RNGTT: variants seen among roughly 807,000 people sequenced by gnomAD.
RNGTT encodes the protein RNA guanylyltransferase and 5'-phosphatase, also known as mRNA-capping enzyme.
A neutral mutation model predicts 79.3 loss-of-function variants in RNGTT; 33 were observed. That is an observed-to-expected ratio of 0.42 (90% CI 0.32 to 0.56). The LOEUF is 0.56. RNGTT is among the 20% of genes least tolerant of loss of function. RNGTT has a pLI of 0.17. For missense variants in RNGTT, 497 were observed against 739.1 expected, an observed-to-expected ratio of 0.67 and a Z score of 3.80; for synonymous variants, 222 against 235.9, an observed-to-expected ratio of 0.94 and a Z score of 0.54.
chr6:88,726,134 G>T (rs77382892), intron 13 of RNGTT, among the ~76,000 whole-genome samples: 3,208 of 152,154 alleles, frequency 0.021, 100 homozygotes, highest in African/African-American at 0.073. Context: ...ATAATTGAAG[G>T]TCTTCTCTAT....
chr6:88,848,380 C>T (rs1323193173), intron 10 of RNGTT, among the ~76,000 whole-genome samples: 3 of 151,630 alleles, frequency 2.0e-5, no homozygotes, highest in Admixed American at 1.3e-4. Flanking sequence ...ACTGTCCTAG[C>T]GAAATTTTCA....
intron 8 of RNGTT, among the ~76,000 whole-genome samples, chr6:88,861,307 G>A (rs1782005907): frequency 6.6e-6 from 1 of 152,158 alleles, no homozygotes; most frequent in Non-Finnish European, 1.5e-5. Flanking sequence ...CATAGGAGCA[G>A]TTGGTCACAC....
chr6:88,699,246 G>A lies in RNGTT; in HGVS notation c.1440-20827C>T, dbSNP rs556358446. Among the ~76,000 whole-genome samples the A allele has an allele frequency of 1.6e-4, 25 of 152,140 alleles. No individual in the cohort carries two copies. The South Asian group carries it at 4.8e-3, about 29-fold the overall frequency. On this transcript the variant is annotated intron_variant, in intron 13 of 15. Coordinates refer to ENST00000369485, the MANE Select transcript of RNGTT (RefSeq NM_003800.5). ...CTCACACAAATTTATCAGACTTTCC[G>A]AATGACTTAAATAGTATGAAACAAT...
intron 14 of RNGTT, among the ~76,000 whole-genome samples, chr6:88,670,782 C>G (rs905761271): frequency 6.6e-6 from 1 of 152,210 alleles, no homozygotes; most frequent in Non-Finnish European, 1.5e-5. Flanking sequence ...TATCATGACC[C>G]TTTCACGTGG....
At chr6:88,735,335 G>C (rs1162335289) in intron 13 of RNGTT, among the ~76,000 whole-genome samples, 1 of 152,082 alleles carries the variant, frequency 6.6e-6, no homozygotes, top group Non-Finnish European at 1.5e-5. Context: ...ACTGAATTCA[G>C]CTGACATTTA....
At chr6:88,662,735 G>T (rs185695230) in intron 14 of RNGTT, among the ~76,000 whole-genome samples, 1 of 152,238 alleles carries the variant, frequency 6.6e-6, no homozygotes, top group East Asian at 1.9e-4. Flanking sequence ...GCACTCTCGC[G>T]TAGGCAATTG....
chr6:88,668,131 T>C (rs1774488825), intron 14 of RNGTT, among the ~76,000 whole-genome samples: 1 of 152,164 alleles, frequency 6.6e-6, no homozygotes, highest in Non-Finnish European at 1.5e-5. Flanking sequence ...CAGTTTACCC[T>C]TTCTCCCCAG....
At chr6:88,664,500 C>A (rs1053138603) in intron 14 of RNGTT, among the ~76,000 whole-genome samples, 3 of 152,228 alleles carry the variant, frequency 2.0e-5, no homozygotes, top group Admixed American at 6.5e-5. Flanking sequence ...CAGAGAGAGC[C>A]GCAAAGAAGG....
chr6:88,719,129 CA>C (rs1463275755), intron 13 of RNGTT, among the ~76,000 whole-genome samples: 1 of 152,150 alleles, frequency 6.6e-6, no homozygotes, highest in Non-Finnish European at 1.5e-5. Context: ...GTATTACTGG[CA>C]AATTCAATAG....
At position 88,921,637 on chromosome 6, in the gene RNGTT, C is replaced by T. The variant is rs1784168451; in HGVS notation, c.367+7348G>A. 2.6e-5 allele frequency among the ~76,000 whole-genome samples: 4 copies of T among 152,124 alleles called. No individual in the cohort carries two copies. The South Asian group carries it at 6.2e-4, about 24-fold the overall frequency. ...TGGAAATTTGCAGACATACCCAAAG[C>T]AGTGAGAATAGAAAAATGAAACCTC... On this transcript the variant is annotated intron_variant, in intron 4 of 15. Coordinates refer to ENST00000369485, the MANE Select transcript of RNGTT (RefSeq NM_003800.5).
chr6:88,625,860 T>C (rs886133321), intron 14 of RNGTT, among the ~76,000 whole-genome samples: 1 of 152,030 alleles, frequency 6.6e-6, no homozygotes, highest in African/African-American at 2.4e-5. Flanking sequence ...ATAGCCCTGC[T>C]TATTTTTCTA....
intron 1 of RNGTT, among the ~76,000 whole-genome samples, chr6:88,955,891 T>A (rs1052302382): frequency 7.3e-5 from 11 of 151,378 alleles, no homozygotes; most frequent in Non-Finnish European, 2.9e-5. Flanking sequence ...TACAAAAAAA[T>A]TAGCCGGGTG....
At chr6:88,962,441 G>A (rs1408621319) in intron 1 of RNGTT, among the ~76,000 whole-genome samples, 1 of 152,242 alleles carries the variant, frequency 6.6e-6, no homozygotes, top group East Asian at 1.9e-4. Flanking sequence ...AGACCAGCCT[G>A]GGCAACACAG....
chr6:88,708,883 A>T (rs1379283838), intron 13 of RNGTT, among the ~76,000 whole-genome samples: 1 of 152,178 alleles, frequency 6.6e-6, no homozygotes, highest in Non-Finnish European at 1.5e-5. Context: ...CTGAGAGAAA[A>T]GGAGAATCTG....
intron 13 of RNGTT, among the ~76,000 whole-genome samples, chr6:88,740,514 C>CA (rs1468499094): frequency 2.7e-5 from 4 of 148,262 alleles, no homozygotes; most frequent in Admixed American, 6.7e-5. Context: ...CACCCTGTCT[C>CA]AAAAAAACAA....
At chr6:88,620,628 G>A (rs75009049) in intron 14 of RNGTT, among the ~76,000 whole-genome samples, 4,581 of 152,172 alleles carry the variant, frequency 0.03, 233 homozygotes, top group African/African-American at 0.1. Flanking sequence ...GGTACAAAAC[G>A]TAAGAAATAA....
Position 88,612,797 on chromosome 6 carries a change from C to T in RNGTT, c.1716G>A (p.Gln572=). The change falls in exon 16 of 16, where the codon CAG becomes CAA. Residue 572 remains glutamine (Q), a synonymous_variant. Coordinates refer to ENST00000369485, the MANE Select transcript of RNGTT (RefSeq NM_003800.5). ...IDRCTAASQG[Q]KRKHHLDPDT... Reference sequence around the variant, plus strand: ...CAGGGTCCAGATGATGTTTTCGCTTCTGTCCTTGAGAAGCTGCAGTACATC... The same window carrying T: ...CAGGGTCCAGATGATGTTTTCGCTTTTGTCCTTGAGAAGCTGCAGTACATC... 1 of 1,613,652 alleles carries T rather than the reference C, an allele frequency of 6.2e-7. No homozygotes were observed. Among genetic ancestry groups the T allele is most frequent in the East Asian group, 2.2e-5 (1 of 44,880 alleles).
At chr6:88,945,977 T>G (rs1043812016) in intron 1 of RNGTT, among the ~76,000 whole-genome samples, 1 of 152,208 alleles carries the variant, frequency 6.6e-6, no homozygotes, top group African/African-American at 2.4e-5. Flanking sequence ...CATTCCGATA[T>G]GAGCAAGAAA....
At chr6:88,911,466 C>T (rs2127945953) in intron 4 of RNGTT, among the ~76,000 whole-genome samples, 1 of 152,204 alleles carries the variant, frequency 6.6e-6, no homozygotes, top group Non-Finnish European at 1.5e-5. Context: ...TATTGTAGCA[C>T]GCAGATTCAT....
Sources: gnomAD v4.1 joint callset for allele counts (sites outside exome capture counted in the v4.1 genomes callset) on GRCh38, gnomAD v4.1.1 for gene constraint, MANE v1.5 for transcripts, NCBI Gene and HGNC (gene_info 2026-07-23, HGNC 2026-07-21) for gene names.